Variants in VPS13A observed in about 807,000 individuals in gnomAD.
VPS13A encodes the protein vacuolar protein sorting 13 homolog A, also known as intermembrane lipid transfer protein VPS13A.
Under a neutral mutation model 390.9 loss-of-function variants are expected in VPS13A, and 264 were observed. The observed-to-expected ratio is 0.68, with a 90% CI of 0.61 to 0.75. VPS13A has a LOEUF of 0.75. VPS13A is among the 30% of genes least tolerant of loss of function. The pLI is 0.00. For missense variants in VPS13A, 3,409 were observed against 3,733.9 expected (o/e 0.91, Z 2.27); for synonymous variants, 1,231 against 1,227.1 (o/e 1.00, Z -0.07).
chr9:77,279,960 G>A (rs1201502129), intron 26 of VPS13A, 199 bp from the exon 27 acceptor site: 12 of 439,040 alleles, frequency 2.7e-5, no homozygotes, highest in Non-Finnish European at 4.6e-5. Context: ...ACATGAGGAG[G>A]TAAGGGAATT....
At chr9:77,337,747 T>C (rs1333233837) in intron 47 of VPS13A, 1 of 509,292 alleles carries the variant, frequency 2.0e-6, no homozygotes, top group East Asian at 3.3e-5. Context: ...AAAAGCATGC[T>C]ACATTATGTT....
intron 68 of VPS13A, among the ~76,000 whole-genome samples, chr9:77,392,964 T>A (rs180753791): frequency 1.4e-3 from 214 of 152,258 alleles, no homozygotes; most frequent in African/African-American, 4.7e-3. Context: ...TTTCCCACAT[T>A]GATTGACTCT....
At chr9:77,314,372 C>T in intron 36 of VPS13A, 123 bp from the exon 37 acceptor site, 1 of 1,097,042 alleles carries the variant, frequency 9.1e-7, no homozygotes, top group South Asian at 1.4e-5. Flanking sequence ...CATTAGAGCC[C>T]TTCGGAGACA....
chr9:77,309,874 T>G (rs1013965634), intron 35 of VPS13A, among the ~76,000 whole-genome samples: 1 of 141,600 alleles, frequency 7.1e-6, no homozygotes, highest in Non-Finnish European at 1.5e-5. Flanking sequence ...TTCTGAAGTT[T>G]CAGAAAAAAA....
At chr9:77,324,556 A>G (rs932837306) in intron 45 of VPS13A, among the ~76,000 whole-genome samples, 1 of 152,228 alleles carries the variant, frequency 6.6e-6, no homozygotes, top group Non-Finnish European at 1.5e-5. Context: ...CTTTTTAAAT[A>G]TTAGATCAAC....
chr9:77,233,113 T>A (rs1238345901), intron 17 of VPS13A, among the ~76,000 whole-genome samples: 1 of 152,152 alleles, frequency 6.6e-6, no homozygotes. Flanking sequence ...ATTAGTTATC[T>A]GATTTTCTAT....
At chr9:77,204,207 A>G (rs1825502061) in intron 3 of VPS13A, among the ~76,000 whole-genome samples, 1 of 152,204 alleles carries the variant, frequency 6.6e-6, no homozygotes, top group Admixed American at 6.5e-5. Context: ...TAGTATATTT[A>G]ATAATCTATT....
intron 31 of VPS13A, among the ~76,000 whole-genome samples, chr9:77,292,670 G>T (rs917600422): frequency 1.1e-4 from 17 of 152,026 alleles, no homozygotes; most frequent in Non-Finnish European, 2.1e-4. Flanking sequence ...CCCTGTTCTT[G>T]CTTGCTTCTA....
intron 23 of VPS13A, among the ~76,000 whole-genome samples, chr9:77,262,738 C>T (rs111522360): frequency 3.9e-5 from 6 of 152,138 alleles, no homozygotes; most frequent in African/African-American, 1.4e-4. Flanking sequence ...CCAGCTTCAT[C>T]CATGTCCTTG....
At position 77,337,550 on chromosome 9, in the gene VPS13A, T is replaced by A. The variant is rs1449459554; in HGVS notation, c.6378+13T>A. On this transcript the variant is annotated intron_variant, in intron 47 of 71. Transcript: ENST00000360280. ...TTATTATATAGAGGTATCGGCAAAC[T>A]GATTTAGTGCCTTCCTGTTTTTGAT... The A allele has an allele frequency of 6.2e-7, 1 of 1,607,632 alleles. No homozygotes were observed. Among genetic ancestry groups the A allele is most frequent in the African/African-American group, 1.3e-5 (1 of 74,794 alleles).
chr9:77,323,536 G>C (rs975403142), intron 45 of VPS13A, among the ~76,000 whole-genome samples: 10 of 151,764 alleles, frequency 6.6e-5, no homozygotes, highest in Non-Finnish European at 1.0e-4. Context: ...CTTTCTATTT[G>C]ATTAGATAAT....
intron 58 of VPS13A, 136 bp downstream of exon 58, chr9:77,359,538 T>C: frequency 1.1e-6 from 1 of 890,168 alleles, no homozygotes; most frequent in Non-Finnish European, 1.7e-6. Context: ...AATAAAAAAA[T>C]ATAATGTTGT....
At chr9:77,213,151 C>G in intron 8 of VPS13A, 83 bp from the exon 9 acceptor site, 1 of 1,532,656 alleles carries the variant, frequency 6.5e-7, no homozygotes, top group South Asian at 1.1e-5. Flanking sequence ...ATATGGCTCA[C>G]TTAATTATTT....
At chr9:77,369,087 C>T (rs1048026687) in intron 62 of VPS13A, among the ~76,000 whole-genome samples, 2 of 152,032 alleles carry the variant, frequency 1.3e-5, no homozygotes, top group East Asian at 1.9e-4. Flanking sequence ...GCCGAGATGG[C>T]GCCACCGCAT....
intron 39 of VPS13A, among the ~76,000 whole-genome samples, chr9:77,317,109 C>T (rs1829443188): frequency 6.6e-6 from 1 of 151,738 alleles, no homozygotes; most frequent in African/African-American, 2.4e-5. Context: ...ACATTGTCAC[C>T]ATAGAAATAT....
intron 52 of VPS13A, among the ~76,000 whole-genome samples, chr9:77,349,659 T>A (rs1831348961): frequency 6.6e-6 from 1 of 152,180 alleles, no homozygotes. Flanking sequence ...TTATTTGTTT[T>A]TTGAGATGGA....
At chr9:77,246,508 G>A (rs901105616) in intron 19 of VPS13A, among the ~76,000 whole-genome samples, 3 of 151,942 alleles carry the variant, frequency 2.0e-5, no homozygotes, top group African/African-American at 7.2e-5. Flanking sequence ...CTTTTTGTTT[G>A]AGTGTCAGAT....
intron 23 of VPS13A, among the ~76,000 whole-genome samples, chr9:77,265,911 T>C (rs1375839737): frequency 6.6e-6 from 1 of 152,242 alleles, no homozygotes; most frequent in East Asian, 1.9e-4. Context: ...TTTTAGATCT[T>C]TCCCGCTTTC....
chr9:77,194,522 C>G (rs1236986774), intron 1 of VPS13A, among the ~76,000 whole-genome samples: 1 of 152,150 alleles, frequency 6.6e-6, no homozygotes. Flanking sequence ...ATTCCCACAC[C>G]AGGCCTTCTG....
Sources: allele counts gnomAD v4.1 joint callset (sites outside exome capture counted in the v4.1 genomes callset), GRCh38; gene constraint gnomAD v4.1.1; transcripts MANE v1.5; gene names NCBI Gene and HGNC (gene_info 2026-07-23, HGNC 2026-07-21).